C10orf90: variants seen among roughly 807,000 people sequenced by gnomAD.
The protein encoded by C10orf90 is (E2-independent) E3 ubiquitin-conjugating enzyme FATS.
Under a neutral mutation model 62.5 loss-of-function variants are expected in C10orf90, and 56 were observed. The observed-to-expected ratio is 0.90, with a 90% confidence interval of 0.72 to 1.12. The LOEUF is 1.12. C10orf90 is among the 50% of genes most tolerant of loss of function. C10orf90 has a pLI of 0.00. For missense variants in C10orf90, 970 were observed against 880.4 expected (o/e 1.10, Z -1.29); for synonymous variants, 386 against 340.4 (o/e 1.13, Z -1.47).
At chr10:126,537,408 C>A (rs1027565475) in intron 2 of C10orf90, among the ~76,000 whole-genome samples, 2 of 152,186 alleles carry the variant, frequency 1.3e-5, no homozygotes, top group Non-Finnish European at 2.9e-5. Flanking sequence ...ACCTAGCCCC[C>A]CAAAACTCCT....
chr10:126,603,752 T>A (rs1845248174), intron 2 of C10orf90, among the ~76,000 whole-genome samples: 1 of 152,144 alleles, frequency 6.6e-6, no homozygotes, highest in Non-Finnish European at 1.5e-5. Flanking sequence ...ATAGGGAACC[T>A]CTGTCTATGA....
At position 126,456,881 on chromosome 10, in the gene C10orf90, G is replaced by A. The variant is rs1859620462; in HGVS notation, c.2188+2159C>T. ...GAGGCTGGACACGGGATTGACCACT[G>A]AGCCTCTAGAAAGTAACCAACCCTG... On this transcript the variant is annotated intron_variant, in intron 7 of 9. Coordinates refer to ENST00000488181, the MANE Select transcript of C10orf90 (RefSeq NM_001350921.2). The surrounding 1 kb of genome is among the most constrained non-coding windows in gnomAD (Gnocchi z 4.9). 6.6e-6 allele frequency among the ~76,000 whole-genome samples: 1 copy of A among 152,218 alleles called. No homozygotes were observed.
At chr10:126,463,311 T>C (rs1291249670) in intron 5 of C10orf90, 2 of 152,714 alleles carry the variant, frequency 1.3e-5, no homozygotes, top group Non-Finnish European at 2.9e-5. Context: ...TCCTTCACAG[T>C]GACTCCACGC....
rs142429214 is a variant in C10orf90, at chr10:126,642,449, A to G, written c.313+4116T>C. Among the ~76,000 whole-genome samples, 1,063 of 152,106 alleles carry G rather than the reference A, an allele frequency of 7.0e-3. 6 individuals carry two copies. Among genetic ancestry groups the G allele is most frequent in the African/African-American group, 0.015 (637 of 41,504 alleles). On this transcript the variant is annotated intron_variant, in intron 2 of 9. Coordinates refer to ENST00000488181, the MANE Select transcript of C10orf90 (RefSeq NM_001350921.2). ...CGGGAGACTGAGGCAGGACAATGGCATGAACCCGGGAGGCAGAGCTTGCAG... is the reference window on the plus strand; with the variant it reads ...CGGGAGACTGAGGCAGGACAATGGCGTGAACCCGGGAGGCAGAGCTTGCAG...
chr10:126,486,378 A>G (rs1477967378), intron 4 of C10orf90, among the ~76,000 whole-genome samples: 1 of 152,226 alleles, frequency 6.6e-6, no homozygotes, highest in Non-Finnish European at 1.5e-5. Flanking sequence ...TAAAGTCCCA[A>G]TAAACATGAG....
intron 2 of C10orf90, among the ~76,000 whole-genome samples, chr10:126,552,757 C>T (rs1201621934): frequency 6.6e-6 from 1 of 152,250 alleles, no homozygotes; most frequent in Admixed American, 6.5e-5. Flanking sequence ...AGATCTTGAG[C>T]TCTTGCTGCA....
At chr10:126,667,923 C>T (rs1048572235) in intron 1 of C10orf90, among the ~76,000 whole-genome samples, 1 of 152,156 alleles carries the variant, frequency 6.6e-6, no homozygotes, top group Non-Finnish European at 1.5e-5. Context: ...GGACCTTCAG[C>T]ACCCCTCACC....
rs113829906 is a variant in C10orf90 at position 126,629,781 on chromosome 10, A to G, written c.313+16784T>C. On this transcript the variant is annotated intron_variant, in intron 2 of 9. Coordinates refer to ENST00000488181, the MANE Select transcript of C10orf90 (RefSeq NM_001350921.2). ...CCATTACTAAATCCACATACTTGGTATTCAGTGAAGACAGGAGCCATGAGC... is the reference window on the plus strand; with the variant it reads ...CCATTACTAAATCCACATACTTGGTGTTCAGTGAAGACAGGAGCCATGAGC... Among the ~76,000 whole-genome samples, 749 of 151,674 alleles carry G rather than the reference A, an allele frequency of 4.9e-3. 5 individuals are homozygous for G. The highest frequency in any genetic ancestry group is 0.016 in the African/African-American group (656 of 41,476).
Position 126,464,790 on chromosome 10 carries a change from T to G in C10orf90, c.1731A>C (p.Arg577Ser), listed in dbSNP as rs200693227. 6 of 1,613,976 alleles carry G rather than the reference T, an allele frequency of 3.7e-6. No individual in the cohort carries two copies. In the African/African-American group the frequency reaches 8.0e-5, roughly 22 times the overall value. Reference protein sequence around the residue: ...ERRHQSFLKPRILFPGFLCPL... With the variant: ...ERRHQSFLKPSILFPGFLCPL... ...GGCAAAGAAACCCAGGAAAAAGGAT[T>G]CTGGGTTTCAGGAAGCTTTGATGTC... The change falls in exon 5 of 10, where the codon AGA (arginine) becomes AGC (serine). Residue 577 changes from arginine to serine, a missense_variant. Transcript: ENST00000488181.
chr10:126,560,161 C>T (rs988878783), intron 2 of C10orf90, among the ~76,000 whole-genome samples: 1 of 152,138 alleles, frequency 6.6e-6, no homozygotes, highest in Admixed American at 6.6e-5. Flanking sequence ...AGACAGTTCC[C>T]CTTGGCCAGC....
At chr10:126,494,525 G>C (rs1170281335) in intron 4 of C10orf90, among the ~76,000 whole-genome samples, 1 of 152,058 alleles carries the variant, frequency 6.6e-6, no homozygotes, top group Non-Finnish European at 1.5e-5. Flanking sequence ...TTTTTTTCCT[G>C]TGGGGCGCAC....
chr10:126,621,627 A>G (rs1351594083), intron 2 of C10orf90, among the ~76,000 whole-genome samples: 1 of 152,002 alleles, frequency 6.6e-6, no homozygotes, highest in Non-Finnish European at 1.5e-5. Flanking sequence ...TATGATAATG[A>G]TGACATATGG....
intron 2 of C10orf90, among the ~76,000 whole-genome samples, chr10:126,544,691 G>A (rs1399912619): frequency 1.3e-5 from 2 of 152,138 alleles, no homozygotes; most frequent in African/African-American, 2.4e-5. Flanking sequence ...AAGCCACCAG[G>A]CAATGCTGCA....
intron 2 of C10orf90, among the ~76,000 whole-genome samples, chr10:126,525,157 T>C (rs997096665): frequency 6.6e-6 from 1 of 152,108 alleles, no homozygotes; most frequent in African/African-American, 2.4e-5. Context: ...TGAGCACGGA[T>C]GAATTATTTG....
At chr10:126,573,236 A>G (rs1187119540) in intron 2 of C10orf90, among the ~76,000 whole-genome samples, 5 of 152,110 alleles carry the variant, frequency 3.3e-5, no homozygotes, top group Non-Finnish European at 7.4e-5. Flanking sequence ...GGCTGCATGC[A>G]CCTGCACTGG....
rs188816239 is a variant in C10orf90, at chr10:126,451,248, T to C, written c.2188+7792A>G. Reference sequence around the variant, plus strand: ...TTGCACACTGCTGTGGGGATGTAAATTAGTACGGCCATTATGGAAAACAGT... The same window carrying C: ...TTGCACACTGCTGTGGGGATGTAAACTAGTACGGCCATTATGGAAAACAGT... On this transcript the variant is annotated intron_variant, in intron 7 of 9. Coordinates refer to ENST00000488181, the MANE Select transcript of C10orf90 (RefSeq NM_001350921.2). 2.6e-5 allele frequency among the ~76,000 whole-genome samples: 4 copies of C among 152,246 alleles called. No homozygotes were observed. The East Asian group carries it at 5.8e-4, about 22-fold the overall frequency.
intron 4 of C10orf90, among the ~76,000 whole-genome samples, chr10:126,489,996 ATTATATATT>A (rs1861639028): frequency 9.9e-6 from 1 of 100,610 alleles, no homozygotes; most frequent in East Asian, 2.6e-4. Flanking sequence ...TATAATATAT[ATTATATATT>A]ATATATATTA....
chr10:126,560,252 C>A (rs1174258032), intron 2 of C10orf90, among the ~76,000 whole-genome samples: 2 of 152,200 alleles, frequency 1.3e-5, no homozygotes, highest in African/African-American at 4.8e-5. Context: ...GATGAAAACA[C>A]ACCAGTGATC....
chr10:126,557,927 G>C (rs995994743), intron 2 of C10orf90, among the ~76,000 whole-genome samples: 4 of 151,888 alleles, frequency 2.6e-5, no homozygotes, highest in Admixed American at 6.6e-5. Flanking sequence ...TTTGCTCTTG[G>C]GGGGTGACGG....
Sources: gnomAD v4.1 joint callset for allele counts (sites outside exome capture counted in the v4.1 genomes callset) on GRCh38, gnomAD v4.1.1 for gene constraint, Gnocchi (gnomAD v3.1) non-coding constraint, MANE v1.5 for transcripts, NCBI Gene and HGNC (gene_info 2026-07-23, HGNC 2026-07-21) for gene names.